The following CFAP69 variants were observed in gnomAD, a reference collection of about 807,000 sequenced individuals.
CFAP69 encodes the protein cilia and flagella associated protein 69, also known as cilia- and flagella-associated protein 69.
A neutral mutation model predicts 123.0 loss-of-function variants in CFAP69; 92 were observed. The observed-to-expected ratio is 0.75, with a 90% CI of 0.63 to 0.89. The LOEUF is 0.89. Among genes scored for constraint, CFAP69 ranks in the 40% least tolerant of loss-of-function variants. The probability of loss-of-function intolerance (pLI) is 0.00; values close to 1 mark genes in which losing one functional copy is unlikely to be tolerated. For synonymous variants in CFAP69, 380 were observed against 364.3 expected (o/e 1.04, Z -0.49); for missense variants, 1,067 against 1,096.9 (o/e 0.97, Z 0.39).
chr7:90,303,082 G>T (rs1297623066), intron 17 of CFAP69: 1 of 152,074 alleles, frequency 6.6e-6, no homozygotes, highest in African/African-American at 2.4e-5. Context: ...TATGGCAATT[G>T]TGAATGGGAT....
chr7:90,268,231 T>G lies in CFAP69; in HGVS notation c.434-55T>G, dbSNP rs183530931. ...TTATTAACATTTTATGCCTAAATTCTACAAATAAGCTTATGACAGTGTTGT... is the reference window on the plus strand; with the variant it reads ...TTATTAACATTTTATGCCTAAATTCGACAAATAAGCTTATGACAGTGTTGT... On this transcript the variant is annotated intron_variant, in intron 5 of 22. Coordinates refer to ENST00000389297, the MANE Select transcript of CFAP69 (RefSeq NM_001039706.3). 9.6e-4 allele frequency: 1,083 copies of G among 1,126,982 alleles called. 1 individual carries two copies. Among genetic ancestry groups the G allele is most frequent in the Non-Finnish European group, 1.2e-3 (936 of 772,772 alleles). 69.8% of individuals were successfully genotyped at this position (1,126,982 alleles called of 1,614,324 possible).
At chr7:90,308,637 C>T (rs1242269149) in intron 21 of CFAP69, among the ~76,000 whole-genome samples, 1 of 152,086 alleles carries the variant, frequency 6.6e-6, no homozygotes, top group Non-Finnish European at 1.5e-5. Context: ...ACTCAAGGTA[C>T]CAAGTTATCT....
intron 1 of CFAP69, among the ~76,000 whole-genome samples, chr7:90,248,583 A>G (rs1796595196): frequency 6.6e-6 from 1 of 152,204 alleles, no homozygotes; most frequent in Non-Finnish European, 1.5e-5. Flanking sequence ...AGTTATTAGT[A>G]AATAGGGAAA....
chr7:90,287,833 C>A, intron 14 of CFAP69: 3 of 799,824 alleles, frequency 3.8e-6, no homozygotes, highest in Non-Finnish European at 3.0e-6. Flanking sequence ...TCTTATTTCT[C>A]TCGGGGTCAT....
intron 10 of CFAP69, 37 bp downstream of exon 10, chr7:90,277,158 CT>C (rs1788737118): frequency 6.4e-7 from 1 of 1,570,666 alleles, no homozygotes; most frequent in Non-Finnish European, 8.6e-7. Flanking sequence ...TTATAATTAT[CT>C]TGATAAGTCT....
intron 5 of CFAP69, among the ~76,000 whole-genome samples, chr7:90,267,048 T>C (rs186481955): frequency 7.9e-5 from 12 of 152,294 alleles, no homozygotes; most frequent in Non-Finnish European, 1.6e-4. Context: ...GAATTTCCCA[T>C]AAGCCTGCAT....
intron 5 of CFAP69, 95 bp downstream of exon 5, chr7:90,265,472 C>T (rs1799025740): frequency 3.9e-6 from 3 of 763,030 alleles, no homozygotes; most frequent in African/African-American, 3.5e-5. Flanking sequence ...ACTAAGAGGA[C>T]TCCTTCTCCA....
intron 8 of CFAP69, among the ~76,000 whole-genome samples, chr7:90,273,232 T>A (rs908723625): frequency 6.6e-6 from 1 of 151,986 alleles, no homozygotes; most frequent in Non-Finnish European, 1.5e-5. Flanking sequence ...ATTAGCAAAA[T>A]CAGAAAACTA....
In CFAP69 at chr7:90,245,235, G is replaced by A. The variant is rs1230675234; in HGVS notation, c.-190G>A. ...ATCAGAGGTCTGGGTCAACTGGGGG[G>A]CGGCAGCGGCGCTAAGCGGACTGTA... On this transcript the variant is annotated 5_prime_UTR_variant, in exon 1 of 23. Coordinates refer to ENST00000389297, the MANE Select transcript of CFAP69 (RefSeq NM_001039706.3). 6 of 631,422 alleles carry A rather than the reference G, an allele frequency of 9.5e-6. No individual in the cohort carries two copies. Among genetic ancestry groups the A allele is most frequent in the Non-Finnish European group, 1.4e-5 (6 of 419,304 alleles). The allele number at this position is 631,422 out of a possible 1,614,324, so 39.1% of individuals were successfully genotyped here. A position where few individuals can be genotyped will look rare whatever the true frequency, so the allele number is the denominator to read the frequency against.
intron 15 of CFAP69, 41 bp from the exon 16 acceptor site, chr7:90,297,708 A>T (rs547929080): frequency 7.9e-7 from 1 of 1,272,734 alleles, no homozygotes; most frequent in East Asian, 2.5e-5. Flanking sequence ...TCAGTTTAAC[A>T]ATAAATGTTT....
In CFAP69 at chr7:90,268,288, G is replaced by A. The variant is rs772100468; in HGVS notation, c.436G>A (p.Asp146Asn). The A allele has an allele frequency of 4.7e-5, 75 of 1,600,900 alleles. 1 individual carries two copies. In the South Asian group the frequency reaches 6.7e-4, roughly 14 times the overall value. Reference sequence around the variant, plus strand: ...GCACCTGTTTATCTTTCTGGCAGGTGACTTAATGAAAATACCAAGTTCTGA... The same window carrying A: ...GCACCTGTTTATCTTTCTGGCAGGTAACTTAATGAAAATACCAAGTTCTGA... ...DTANSIALLG[D>N]LMKIPSSELR... Residue 146 changes from aspartate to asparagine, a missense_variant and splice_region_variant, in exon 6 of 23, where the codon GAC becomes AAC. By Grantham distance (23) the Asp-to-Asn change is conservative. Coordinates refer to ENST00000389297, the MANE Select transcript of CFAP69 (RefSeq NM_001039706.3).
chr7:90,277,399 A>G, intron 11 of CFAP69, 65 bp downstream of exon 11: 1 of 1,240,062 alleles, frequency 8.1e-7, no homozygotes. Context: ...AACTATTTTA[A>G]AGTCTTGACT....
intron 1 of CFAP69, chr7:90,251,928 G>C (rs1211862467): frequency 6.6e-6 from 1 of 151,962 alleles, no homozygotes; most frequent in Admixed American, 6.6e-5. Flanking sequence ...AATTGGGGTG[G>C]CCCAAGTGCA....
Position 90,277,259 on chromosome 7 carries a change from C to G in CFAP69, c.1080C>G (p.Ser360=), listed in dbSNP as rs1249074405. The change falls in exon 11 of 23, where the codon TCC becomes TCG. Residue 360 remains serine, a synonymous_variant. Transcript: ENST00000389297. The part of the protein sequence containing the change: ...LLVKGLKLSN[S]YEDFELKKLL... ...TAAAAGGACTTAAGCTTTCTAATTC[C>G]TATGAAGATTTTGAGTTGAAGAAAT... is the stretch of plus-strand genomic sequence containing the variant. 6.3e-7 allele frequency: 1 copy of G among 1,591,524 alleles called. No individual in the cohort carries two copies. Among genetic ancestry groups the G allele is most frequent in the Admixed American group, 1.8e-5 (1 of 54,520 alleles).
chr7:90,318,494 C>T, the CFAP69 span: 1 of 152,044 alleles, frequency 6.6e-6, no homozygotes, highest in Non-Finnish European at 1.5e-5. Context: ...AAATATACTA[C>T]ATTAAATATT....
chr7:90,275,694 C>T (rs2116975017), intron 9 of CFAP69, among the ~76,000 whole-genome samples: 2 of 149,706 alleles, frequency 1.3e-5, no homozygotes, highest in South Asian at 2.1e-4. Context: ...CTCCGCCTCC[C>T]GGGTTTGCGC....
At chr7:90,258,463 C>G (rs1262506361) in intron 3 of CFAP69, among the ~76,000 whole-genome samples, 1 of 152,104 alleles carries the variant, frequency 6.6e-6, no homozygotes, top group Non-Finnish European at 1.5e-5. Context: ...CCCTCTTCCC[C>G]CCACTGGCAT....
In CFAP69 at chr7:90,310,296, C is replaced by A. The variant is rs1794183843; in HGVS notation, c.*58C>A. The A allele has an allele frequency of 2.5e-6, 3 of 1,180,332 alleles. No individual in the cohort carries two copies. The highest frequency in any genetic ancestry group is 5.1e-5 in the Admixed American group (2 of 39,468). The allele number at this position is 1,180,332 out of a possible 1,614,324, so 73.1% of individuals were successfully genotyped here. Reference sequence around the variant, plus strand: ...CTTATAATTTTTTAGCTGAATATATCTTTATACATATGTAAAGCCAATATT... The same window carrying A: ...CTTATAATTTTTTAGCTGAATATATATTTATACATATGTAAAGCCAATATT... On this transcript the variant is annotated 3_prime_UTR_variant, in exon 23 of 23. Coordinates refer to ENST00000389297, the MANE Select transcript of CFAP69 (RefSeq NM_001039706.3).
At chr7:90,279,928 A>G in intron 12 of CFAP69, 35 bp downstream of exon 12, 1 of 1,483,064 alleles carries the variant, frequency 6.7e-7, no homozygotes, top group Middle Eastern at 1.9e-4. Flanking sequence ...TCAAAATTCT[A>G]ATCTTCATAT....
Sources: allele counts gnomAD v4.1 joint callset (sites outside exome capture counted in the v4.1 genomes callset), GRCh38; gene constraint gnomAD v4.1.1; transcripts MANE v1.5; gene names NCBI Gene and HGNC (gene_info 2026-07-23, HGNC 2026-07-21).